NRG1: variants seen among roughly 807,000 people sequenced by gnomAD.
NRG1 encodes the protein neuregulin 1, also known as pro-neuregulin-1, membrane-bound isoform.
In NRG1, 18 loss-of-function variants were observed where a neutral mutation model predicts 63.8. The observed-to-expected ratio is 0.28, with a 90% confidence interval of 0.19 to 0.42. The LOEUF is 0.42. Among genes scored for constraint, NRG1 ranks in the 10% least tolerant of loss-of-function variants. The pLI, the probability that NRG1 is intolerant of heterozygous loss-of-function variation, is 1.00. For missense variants in NRG1, 762 were observed against 814.7 expected, an observed-to-expected ratio of 0.94 and a Z score of 0.79; for synonymous variants, 302 against 301.3, an observed-to-expected ratio of 1.00 and a Z score of -0.02.
intron 1 of NRG1, among the ~76,000 whole-genome samples, chr8:32,510,097 A>AAATAAT (rs57367955): frequency 0.051 from 7,045 of 139,050 alleles, 310 homozygotes; most frequent in African/African-American, 0.11. Flanking sequence ...TCCTAGACAA[A>AAATAAT]AATAATAATA....
intron 1 of NRG1, among the ~76,000 whole-genome samples, chr8:32,519,784 T>A (rs950975696): frequency 6.6e-6 from 1 of 152,132 alleles, no homozygotes; most frequent in Non-Finnish European, 1.5e-5. Flanking sequence ...GATAAACACG[T>A]TTGATTTTTT....
chr8:32,400,746 TAA>T (rs1813072434), intron 1 of NRG1, among the ~76,000 whole-genome samples: 1 of 152,182 alleles, frequency 6.6e-6, no homozygotes, highest in Admixed American at 6.5e-5. Context: ...TCAAAGAACT[TAA>T]AATAGAATTA....
chr8:31,971,004 A>G lies in NRG1; in HGVS notation c.37+331573A>G, dbSNP rs1200812517. Among the ~76,000 whole-genome samples, 5 of 152,090 alleles carry G rather than the reference A, an allele frequency of 3.3e-5. No homozygotes were observed. The East Asian group carries it at 5.8e-4, about 18-fold the overall frequency. ...GCTTGCAGTGAGCCGAGATGGCACC[A>G]ATGCACTCCAGCCTGGGCAACAGAG... On this transcript the variant is annotated intron_variant, in intron 1 of 10. Transcript: ENST00000519301.
At chr8:32,359,833 A>T (rs1203983102) in intron 1 of NRG1, among the ~76,000 whole-genome samples, 1 of 152,142 alleles carries the variant, frequency 6.6e-6, no homozygotes, top group African/African-American at 2.4e-5. Flanking sequence ...GCCAAAACCG[A>T]CTGTGCTGAC....
intron 1 of NRG1, among the ~76,000 whole-genome samples, chr8:32,405,318 G>C (rs1813809948): frequency 6.6e-6 from 1 of 152,178 alleles, no homozygotes; most frequent in African/African-American, 2.4e-5. Context: ...TTATTTGCAA[G>C]TATTTCTGTA....
rs1022594135 is a variant in NRG1 at position 31,878,973 on chromosome 8, C to T, written c.37+239542C>T. Among the ~76,000 whole-genome samples the T allele has an allele frequency of 9.9e-5, 15 of 152,060 alleles. 1 individual carries two copies. Among genetic ancestry groups the T allele is most frequent in the Admixed American group, 7.9e-4 (12 of 15,284 alleles). ...CGAGATCGCGCTACTGCACTCCAGC[C>T]TGGGCGACAGAGCAAGACTCCATCT... On this transcript the variant is annotated intron_variant, in intron 1 of 10. Coordinates refer to the NRG1 transcript ENST00000519301.
intron 1 of NRG1, among the ~76,000 whole-genome samples, chr8:32,053,042 C>G (rs1211640775): frequency 6.6e-6 from 1 of 152,110 alleles, no homozygotes; most frequent in Admixed American, 6.5e-5. Context: ...AAGTAGAAAA[C>G]CATTCATTGG....
intron 1 of NRG1, among the ~76,000 whole-genome samples, chr8:31,700,067 A>G (rs903643439): frequency 9.9e-5 from 15 of 152,194 alleles, no homozygotes; most frequent in African/African-American, 3.6e-4. Context: ...CCTTGGCCCC[A>G]TGCAGGTACT....
intron 1 of NRG1, among the ~76,000 whole-genome samples, chr8:32,219,982 C>A (rs527803867): frequency 6.6e-6 from 1 of 152,054 alleles, no homozygotes; most frequent in African/African-American, 2.4e-5. Context: ...GACACACCCC[C>A]GGCTGTCAGA....
intron 1 of NRG1, among the ~76,000 whole-genome samples, chr8:32,396,032 A>G (rs945289923): frequency 6.6e-6 from 1 of 152,140 alleles, no homozygotes; most frequent in Admixed American, 6.5e-5. Context: ...AAATAAATTG[A>G]CTATGTGTAA....
chr8:32,019,243 T>A (rs1419436823), intron 1 of NRG1, among the ~76,000 whole-genome samples: 1 of 152,084 alleles, frequency 6.6e-6, no homozygotes, highest in Non-Finnish European at 1.5e-5. Flanking sequence ...GGACTACAGG[T>A]GCCTGCCACC....
At chr8:32,443,975 T>C (rs1268593978) in intron 1 of NRG1, among the ~76,000 whole-genome samples, 1 of 151,922 alleles carries the variant, frequency 6.6e-6, no homozygotes, top group African/African-American at 2.4e-5. Context: ...CAATACAATT[T>C]CCTCCCTTCC....
chr8:32,110,563 AATG>A (rs1198022004), intron 1 of NRG1, among the ~76,000 whole-genome samples: 2 of 152,120 alleles, frequency 1.3e-5, no homozygotes, highest in African/African-American at 4.8e-5. Flanking sequence ...TTCTTTTTCT[AATG>A]ATGACCCTGA....
chr8:31,785,986 T>C (rs997285360), intron 1 of NRG1, among the ~76,000 whole-genome samples: 6 of 152,228 alleles, frequency 3.9e-5, no homozygotes, highest in Non-Finnish European at 5.9e-5. Context: ...AGCGTGTTAC[T>C]ATAAAACATA....
At chr8:31,881,511 A>G (rs573134695) in intron 1 of NRG1, among the ~76,000 whole-genome samples, 1 of 152,190 alleles carries the variant, frequency 6.6e-6, no homozygotes, top group African/African-American at 2.4e-5. Context: ...AATGGCTTCT[A>G]ACTGTTCAAG....
chr8:32,270,596 T>C (rs1291288943), intron 1 of NRG1, among the ~76,000 whole-genome samples: 1 of 152,228 alleles, frequency 6.6e-6, no homozygotes, highest in Non-Finnish European at 1.5e-5. Context: ...TAATAAGTGT[T>C]ACAGAGTGAT....
chr8:32,126,223 G>A (rs1056706697), intron 1 of NRG1, among the ~76,000 whole-genome samples: 1 of 151,772 alleles, frequency 6.6e-6, no homozygotes, highest in African/African-American at 2.4e-5. Flanking sequence ...TAATGAATTA[G>A]TACCCCACTT....
At chr8:31,653,323 A>G (rs1291777858) in intron 1 of NRG1, among the ~76,000 whole-genome samples, 1 of 152,072 alleles carries the variant, frequency 6.6e-6, no homozygotes, top group Non-Finnish European at 1.5e-5. Context: ...TGGAAGATGT[A>G]TTAGTTAGGG....
chr8:32,706,741 A>T (rs1457567894), intron 5 of NRG1, among the ~76,000 whole-genome samples: 1 of 152,162 alleles, frequency 6.6e-6, no homozygotes, highest in Admixed American at 6.5e-5. Flanking sequence ...TTGAGGTCAT[A>T]AAAAAGGAAT....
Sources: allele counts gnomAD v4.1 joint callset (sites outside exome capture counted in the v4.1 genomes callset), GRCh38; gene constraint gnomAD v4.1.1; transcripts MANE v1.5; gene names NCBI Gene and HGNC (gene_info 2026-07-23, HGNC 2026-07-21).